The following LRRTM4 variants were observed in gnomAD, a reference collection of about 807,000 sequenced individuals.
The protein encoded by LRRTM4 is leucine rich repeat transmembrane neuronal 4.
LRRTM4 carries 25 observed loss-of-function variants against 47.6 expected under a neutral mutation model. The observed-to-expected ratio is 0.53, with a 90% CI of 0.38 to 0.73. The LOEUF (loss-of-function observed/expected upper bound fraction) is 0.73, where lower values mean the gene tolerates loss of function less well. LRRTM4 is among the 30% of genes least tolerant of loss of function. The pLI is 0.00. For missense variants in LRRTM4, 638 were observed against 713.4 expected (o/e 0.89, Z 1.20); for synonymous variants, 311 against 269.5 (o/e 1.15, Z -1.51).
intron 3 of LRRTM4, among the ~76,000 whole-genome samples, chr2:76,881,281 G>A (rs902419551): frequency 5.3e-5 from 8 of 152,032 alleles, no homozygotes; most frequent in African/African-American, 1.9e-4. Context: ...AAGTTTGAGG[G>A]CAAAATGAAA....
At chr2:77,073,192 A>C (rs1032496550) in intron 3 of LRRTM4, among the ~76,000 whole-genome samples, 1 of 151,468 alleles carries the variant, frequency 6.6e-6, no homozygotes, top group Non-Finnish European at 1.5e-5. Flanking sequence ...TTTTTTCCCT[A>C]GTATGTTATA....
At chr2:77,248,337 C>G (rs2104007192) in intron 3 of LRRTM4, among the ~76,000 whole-genome samples, 1 of 151,872 alleles carries the variant, frequency 6.6e-6, no homozygotes, top group East Asian at 1.9e-4. Context: ...AGATATAAAT[C>G]TAACAAAGCA....
intron 3 of LRRTM4, among the ~76,000 whole-genome samples, chr2:77,145,487 G>A (rs6707755): frequency 0.33 from 49,863 of 151,562 alleles, 8,579 homozygotes; most frequent in East Asian, 0.47. Context: ...AGTTGTATGT[G>A]GCTGGGCATG....
intron 3 of LRRTM4, among the ~76,000 whole-genome samples, chr2:77,262,519 T>TTCTA (rs1183837959): frequency 6.6e-6 from 1 of 151,976 alleles, no homozygotes; most frequent in Non-Finnish European, 1.5e-5. Flanking sequence ...TTTTTTTCTG[T>TTCTA]TCTAGGATCC....
intron 3 of LRRTM4, among the ~76,000 whole-genome samples, chr2:77,083,868 G>T (rs551201932): frequency 7.6e-6 from 1 of 131,982 alleles, no homozygotes; most frequent in Non-Finnish European, 1.5e-5. Context: ...GCAATGGTGA[G>T]ATCTGGGCTC....
chr2:76,949,568 TG>T (rs1000613789), intron 3 of LRRTM4, among the ~76,000 whole-genome samples: 9 of 151,850 alleles, frequency 5.9e-5, no homozygotes, highest in African/African-American at 2.2e-4. Context: ...GAAGGTGGCA[TG>T]AAAAACGTGC....
At chr2:76,772,929 G>A (rs1270683433) in intron 3 of LRRTM4, 2 of 152,136 alleles carry the variant, frequency 1.3e-5, no homozygotes, top group Admixed American at 1.3e-4. Context: ...ATATCACCCT[G>A]TATGCGCCTG....
intron 3 of LRRTM4, among the ~76,000 whole-genome samples, chr2:76,851,479 T>C (rs1400448140): frequency 6.6e-6 from 1 of 152,126 alleles, no homozygotes; most frequent in Non-Finnish European, 1.5e-5. Context: ...CTAAAAGATC[T>C]AAAGATAAAG....
At chr2:77,382,635 T>C (rs1477762864) in intron 3 of LRRTM4, among the ~76,000 whole-genome samples, 1 of 152,096 alleles carries the variant, frequency 6.6e-6, no homozygotes, top group Non-Finnish European at 1.5e-5. Flanking sequence ...CAAAAACAAT[T>C]AGGAACTTAT....
intron 3 of LRRTM4, among the ~76,000 whole-genome samples, chr2:76,954,932 A>C (rs1264303746): frequency 1.3e-5 from 2 of 151,726 alleles, no homozygotes; most frequent in Non-Finnish European, 2.9e-5. Context: ...AAAAACAAAA[A>C]CAAAACAAAA....
intron 3 of LRRTM4, among the ~76,000 whole-genome samples, chr2:77,257,362 C>A (rs151109201): frequency 1.3e-5 from 2 of 150,806 alleles, no homozygotes; most frequent in Non-Finnish European, 3.0e-5. Flanking sequence ...TCACAGAGTG[C>A]AAAATAAACT....
intron 3 of LRRTM4, chr2:77,517,520 C>T: frequency 1.0e-6 from 1 of 984,902 alleles, no homozygotes; most frequent in Non-Finnish European, 1.2e-6. Flanking sequence ...TTACCAGGGA[C>T]AAAGCCAAAG....
chr2:77,162,805 C>T (rs1310521365), intron 3 of LRRTM4, among the ~76,000 whole-genome samples: 1 of 152,024 alleles, frequency 6.6e-6, no homozygotes, highest in Non-Finnish European at 1.5e-5. Context: ...ACATCCACAC[C>T]AAAACCCCAT....
chr2:77,301,256 T>G (rs2104164157), intron 3 of LRRTM4, among the ~76,000 whole-genome samples: 1 of 152,238 alleles, frequency 6.6e-6, no homozygotes, highest in Non-Finnish European at 1.5e-5. Context: ...ATCATAACTG[T>G]GTCAGGAATT....
intron 3 of LRRTM4, among the ~76,000 whole-genome samples, chr2:77,193,335 T>A (rs1673725584): frequency 6.6e-6 from 1 of 152,174 alleles, no homozygotes; most frequent in Admixed American, 6.6e-5. Context: ...TGTTAAGAAA[T>A]GCATGACTGT....
chr2:77,270,491 G>A lies in LRRTM4; in HGVS notation c.1551+247827C>T, dbSNP rs570815363. 5.3e-5 allele frequency among the ~76,000 whole-genome samples: 8 copies of A among 152,250 alleles called. No homozygotes were observed. In the East Asian group the frequency reaches 1.4e-3, roughly 26 times the overall value. On this transcript the variant is annotated intron_variant, in intron 3 of 3. Coordinates refer to ENST00000409884, the MANE Select transcript of LRRTM4 (RefSeq NM_001134745.3). Reference sequence around the variant, plus strand: ...TCACAATAAATGTGTAGTAAAAGGCGCTATGGAATTAACACCTACTAGGGT... The same window carrying A: ...TCACAATAAATGTGTAGTAAAAGGCACTATGGAATTAACACCTACTAGGGT...
At chr2:77,342,117 T>G (rs937204992) in intron 3 of LRRTM4, among the ~76,000 whole-genome samples, 1 of 151,974 alleles carries the variant, frequency 6.6e-6, no homozygotes, top group Non-Finnish European at 1.5e-5. Context: ...ACCAATACAC[T>G]CTGCTATGAA....
intron 3 of LRRTM4, among the ~76,000 whole-genome samples, chr2:77,222,992 C>G (rs561524838): frequency 4.6e-5 from 7 of 151,976 alleles, no homozygotes; most frequent in Non-Finnish European, 1.0e-4. Flanking sequence ...AGCAACATAT[C>G]AAAAAGCTTA....
chr2:76,807,463 T>TATATATACATATATATATATATAC (rs1670551054), intron 3 of LRRTM4, among the ~76,000 whole-genome samples: 1 of 99,534 alleles, frequency 1.0e-5, no homozygotes, highest in Non-Finnish European at 1.8e-5. Flanking sequence ...TATATACATA[T>TATATATACATATATATATATATAC]ATATATACAT....
Sources: gnomAD v4.1 joint callset for allele counts (sites outside exome capture counted in the v4.1 genomes callset) on GRCh38, gnomAD v4.1.1 for gene constraint, MANE v1.5 for transcripts, NCBI Gene and HGNC (gene_info 2026-07-23, HGNC 2026-07-21) for gene names.